GPM6A: variants seen among roughly 807,000 people sequenced by gnomAD.
The protein encoded by GPM6A is glycoprotein M6A, also known as neuronal membrane glycoprotein M6-a.
A neutral mutation model predicts 32.1 loss-of-function variants in GPM6A; 7 were observed. That is an observed-to-expected ratio of 0.22 (90% confidence interval 0.12 to 0.41). The LOEUF (loss-of-function observed/expected upper bound fraction) is 0.41, where lower values mean the gene tolerates loss of function less well. Ranked by LOEUF, GPM6A falls within the 10% of genes least tolerant of loss-of-function variation. GPM6A has a pLI of 1.00. For missense variants in GPM6A, 235 were observed against 347.2 expected (o/e 0.68, Z 2.57); for synonymous variants, 130 against 123.4 (o/e 1.05, Z -0.35).
At chr4:175,901,628 C>CTTTTTTTTTTTTTTCT (rs59461626) in intron 1 of GPM6A, among the ~76,000 whole-genome samples, 46 of 126,910 alleles carry the variant, frequency 3.6e-4, no homozygotes, top group South Asian at 7.1e-4. Context: ...TTTTCTTTTT[C>CTTTTTTTTTTTTTTCT]TTTTTTTTTT....
intron 1 of GPM6A, among the ~76,000 whole-genome samples, chr4:175,853,273 T>C (rs968956653): frequency 6.6e-6 from 1 of 152,088 alleles, no homozygotes; most frequent in African/African-American, 2.4e-5. Context: ...AAAAATACTA[T>C]TGAAATAAGG....
At chr4:175,639,120 G>T (rs1009992238) in intron 6 of GPM6A, among the ~76,000 whole-genome samples, 2 of 152,116 alleles carry the variant, frequency 1.3e-5, no homozygotes, top group Non-Finnish European at 2.9e-5. Context: ...AAAAATTCAT[G>T]TTAGTACTGA....
chr4:175,641,095 A>G lies in GPM6A; in HGVS notation c.542-266T>C. On this transcript the variant is annotated intron_variant, in intron 4 of 6. Transcript: ENST00000393658. ...TCTCACCACCAGAATTTCCAGACTC[A>G]ATTATAGCCAGTTTATTGGTTTGGC... The G allele has an allele frequency of 9.2e-6, 4 of 436,434 alleles. No individual in the cohort carries two copies. In the South Asian group the frequency reaches 1.1e-4, roughly 11 times the overall value. 27.0% of individuals were successfully genotyped at this position (436,434 alleles called of 1,614,324 possible). A position where few individuals can be genotyped will look rare whatever the true frequency, so the allele number is the denominator to read the frequency against.
chr4:175,932,098 G>GAAA (rs545004795), intron 1 of GPM6A, among the ~76,000 whole-genome samples: 1 of 108,404 alleles, frequency 9.2e-6, no homozygotes, highest in Admixed American at 1.0e-4. Context: ...TTGCCTCTAG[G>GAAA]AAAAAAAAAA....
chr4:176,001,920 GTAATCGCCTCGC>G (rs1272031505), intron 1 of GPM6A, among the ~76,000 whole-genome samples: 3 of 152,188 alleles, frequency 2.0e-5, no homozygotes, highest in Admixed American at 2.0e-4. Context: ...AGATCTCCCT[GTAATCGCCTCGC>G]TATTCGGATC....
intron 2 of GPM6A, among the ~76,000 whole-genome samples, chr4:175,677,568 C>CA (rs1224753124): frequency 6.6e-6 from 1 of 151,248 alleles, no homozygotes. Context: ...AGAATTTGGC[C>CA]AAAAAAAGTG....
At chr4:175,686,067 C>G (rs912128984) in intron 2 of GPM6A, among the ~76,000 whole-genome samples, 6 of 152,156 alleles carry the variant, frequency 3.9e-5, no homozygotes, top group African/African-American at 1.4e-4. Flanking sequence ...TGGCAAAAAG[C>G]AGGAAATCAG....
chr4:175,804,803 T>A (rs2111313423), intron 1 of GPM6A, among the ~76,000 whole-genome samples: 1 of 152,176 alleles, frequency 6.6e-6, no homozygotes, highest in South Asian at 2.1e-4. Context: ...CCCAGCACTT[T>A]GGGAGGCAGA....
chr4:175,661,457 C>T (rs1742412181), intron 3 of GPM6A, among the ~76,000 whole-genome samples: 1 of 148,632 alleles, frequency 6.7e-6, no homozygotes, highest in Non-Finnish European at 1.5e-5. Flanking sequence ...AAAAAAGTCA[C>T]TGAAAGTCAC....
At chr4:175,714,671 G>A (rs536111839) in intron 1 of GPM6A, among the ~76,000 whole-genome samples, 33 of 152,182 alleles carry the variant, frequency 2.2e-4, no homozygotes, top group Middle Eastern at 6.8e-3. Flanking sequence ...GTACATGAAA[G>A]CCTATTTATT....
At position 175,682,871 on chromosome 4, in the gene GPM6A, G is replaced by T. The variant is rs576724106; in HGVS notation, c.231-9035C>A. Among the ~76,000 whole-genome samples the T allele has an allele frequency of 3.3e-5, 5 of 152,258 alleles. No homozygotes were observed. In the East Asian group the frequency reaches 7.8e-4, roughly 24 times the overall value. Reference sequence around the variant, plus strand: ...GAGGAAGTCTGCTGCAAGAGTGGAGGCCTCACAAGAACCTCTGCTAGATGC... The same window carrying T: ...GAGGAAGTCTGCTGCAAGAGTGGAGTCCTCACAAGAACCTCTGCTAGATGC... On this transcript the variant is annotated intron_variant, in intron 2 of 6. Transcript: ENST00000393658.
chr4:175,733,829 G>A (rs182368126), intron 1 of GPM6A, among the ~76,000 whole-genome samples: 1 of 152,120 alleles, frequency 6.6e-6, no homozygotes, highest in African/African-American at 2.4e-5. Flanking sequence ...TGCTTTAAAA[G>A]CTAGCATTAA....
chr4:175,908,098 A>G (rs759548529), intron 1 of GPM6A, among the ~76,000 whole-genome samples: 10 of 152,294 alleles, frequency 6.6e-5, no homozygotes, highest in Non-Finnish European at 1.2e-4. Flanking sequence ...TTAACGAATA[A>G]CTATTTGGCC....
intron 1 of GPM6A, among the ~76,000 whole-genome samples, chr4:175,872,356 A>G (rs1736939112): frequency 6.6e-6 from 1 of 152,200 alleles, no homozygotes; most frequent in Non-Finnish European, 1.5e-5. Context: ...GGAACTTCCT[A>G]AAATTGCTTC....
chr4:175,915,657 A>G (rs1738470612), intron 1 of GPM6A, among the ~76,000 whole-genome samples: 1 of 152,182 alleles, frequency 6.6e-6, no homozygotes, highest in Admixed American at 6.5e-5. Flanking sequence ...AAAATGATCA[A>G]CAAAAATATA....
intron 1 of GPM6A, among the ~76,000 whole-genome samples, chr4:175,936,652 C>T (rs922092278): frequency 6.6e-6 from 1 of 151,850 alleles, no homozygotes; most frequent in Non-Finnish European, 1.5e-5. Flanking sequence ...GTAAGTATAA[C>T]CTAACAAGAT....
At chr4:175,966,476 G>T (rs1282395992) in intron 1 of GPM6A, among the ~76,000 whole-genome samples, 1 of 150,808 alleles carries the variant, frequency 6.6e-6, no homozygotes, top group Non-Finnish European at 1.5e-5. Context: ...CCTAATCCCA[G>T]TATGATGGTC....
At chr4:175,940,013 A>G in intron 1 of GPM6A, among the ~76,000 whole-genome samples, 1 of 152,318 alleles carries the variant, frequency 6.6e-6, no homozygotes, top group Non-Finnish European at 1.5e-5. Context: ...AGAAACATAA[A>G]TAGTGATTAA....
At chr4:175,995,745 TAGCA>T (rs1278596150) in intron 1 of GPM6A, among the ~76,000 whole-genome samples, 1 of 152,220 alleles carries the variant, frequency 6.6e-6, no homozygotes, top group African/African-American at 2.4e-5. Context: ...TTTATACAAC[TAGCA>T]AGAGATATTT....
Sources: gnomAD v4.1 joint callset for allele counts (sites outside exome capture counted in the v4.1 genomes callset) on GRCh38, gnomAD v4.1.1 for gene constraint, MANE v1.5 for transcripts, NCBI Gene and HGNC (gene_info 2026-07-23, HGNC 2026-07-21) for gene names.